Variants in ASAH2 observed in about 807,000 individuals in gnomAD.
ASAH2 encodes the protein N-acylsphingosine amidohydrolase 2.
ASAH2 carries 58 observed loss-of-function variants against 82.9 expected under a neutral mutation model. The ratio of observed to expected loss-of-function variants is 0.70; its 90% CI spans 0.57 to 0.87. ASAH2 has a LOEUF of 0.87. Ranked by LOEUF, ASAH2 falls within the 40% of genes least tolerant of loss-of-function variation. The pLI, the probability that ASAH2 is intolerant of heterozygous loss-of-function variation, is 0.00. For synonymous variants in ASAH2, 276 were observed against 289.7 expected, an observed-to-expected ratio of 0.95 and a Z score of 0.48; for missense variants, 779 against 834.0, an observed-to-expected ratio of 0.93 and a Z score of 0.81.
chr10:50,235,253 G>C (rs1271845921), intron 5 of ASAH2, among the ~76,000 whole-genome samples: 1 of 151,918 alleles, frequency 6.6e-6, no homozygotes, highest in Non-Finnish European at 1.5e-5. Context: ...CTGAATTTTG[G>C]GGGTGACATT....
At chr10:50,244,555 T>G (rs2842123) in intron 3 of ASAH2, among the ~76,000 whole-genome samples, 33,327 of 152,152 alleles carry the variant, frequency 0.22, 5,591 homozygotes, top group African/African-American at 0.45. Flanking sequence ...GGTTTCCTAG[T>G]GAAGCACTGA....
chr10:50,230,379 G>T (rs1205340818), intron 7 of ASAH2, among the ~76,000 whole-genome samples: 1 of 152,078 alleles, frequency 6.6e-6, no homozygotes, highest in Non-Finnish European at 1.5e-5. Context: ...ATTCTGAGTT[G>T]CTGTGCTTCC....
At chr10:50,202,358 T>C (rs1845171896) in intron 16 of ASAH2, among the ~76,000 whole-genome samples, 1 of 152,040 alleles carries the variant, frequency 6.6e-6, no homozygotes, top group African/African-American at 2.4e-5. Flanking sequence ...CCTCAAACTC[T>C]CTGGGACTCT....
chr10:50,189,239 AAACAG>A (rs1486703285), intron 20 of ASAH2, among the ~76,000 whole-genome samples: 1 of 144,986 alleles, frequency 6.9e-6, no homozygotes, highest in Non-Finnish European at 1.5e-5. Flanking sequence ...TGGGGAAAAA[AAACAG>A]AACAGATGTC....
chr10:50,208,310 A>G (rs935289718), intron 12 of ASAH2, among the ~76,000 whole-genome samples: 11 of 152,032 alleles, frequency 7.2e-5, no homozygotes, highest in Non-Finnish European at 1.3e-4. Flanking sequence ...GCAGGCAATT[A>G]GGCAAGAAAA....
chr10:50,204,717 G>T (rs2133202133), intron 14 of ASAH2, 144 bp downstream of exon 14: 1 of 662,610 alleles, frequency 1.5e-6, no homozygotes, highest in East Asian at 2.8e-5. Context: ...AGCAAAAGAG[G>T]GTAGGAATAT....
At chr10:50,221,263 C>T (rs1378401972) in intron 7 of ASAH2, among the ~76,000 whole-genome samples, 1 of 152,108 alleles carries the variant, frequency 6.6e-6, no homozygotes, top group Non-Finnish European at 1.5e-5. Context: ...TTTCCAGTTA[C>T]ATGGATTTTG....
intron 7 of ASAH2, among the ~76,000 whole-genome samples, chr10:50,219,892 C>G (rs2133213914): frequency 6.6e-6 from 1 of 152,338 alleles, no homozygotes; most frequent in South Asian, 2.1e-4. Flanking sequence ...AGCCTCTACT[C>G]AGCTCCAGCC....
intron 18 of ASAH2, among the ~76,000 whole-genome samples, chr10:50,193,952 A>T (rs1336101045): frequency 4.0e-5 from 6 of 151,186 alleles, no homozygotes; most frequent in African/African-American, 1.5e-4. Context: ...TCCTAGAAAG[A>T]CACAAAATTG....
At chr10:50,247,307 A>G (rs1308478399) in intron 2 of ASAH2, among the ~76,000 whole-genome samples, 1 of 139,502 alleles carries the variant, frequency 7.2e-6, no homozygotes, top group Non-Finnish European at 1.6e-5. Flanking sequence ...ACAGGCGTGC[A>G]CCACCACAAA....
Position 50,185,907 on chromosome 10 carries a change from A to G in ASAH2, c.*1408T>C, listed in dbSNP as rs1196521493. 2.0e-5 allele frequency: 3 copies of G among 146,660 alleles called. No individual in the cohort carries two copies. Among genetic ancestry groups the G allele is most frequent in the Non-Finnish European group, 4.5e-5 (3 of 66,922 alleles). The allele number at this position is 146,660 out of a possible 1,614,324, so 9.1% of individuals were successfully genotyped here. A position where few individuals can be genotyped will look rare whatever the true frequency, so the allele number is the denominator to read the frequency against. ...TTCCCTAAAATGCTAAAGCTTTTAC[A>G]TACATACAAAAGTATGACCTGGGGT... is the stretch of plus-strand genomic sequence containing the variant. On this transcript the variant is annotated 3_prime_UTR_variant, in exon 21 of 21. Coordinates refer to ENST00000682911, the MANE Select transcript of ASAH2 (RefSeq NM_019893.4).
intron 18 of ASAH2, among the ~76,000 whole-genome samples, chr10:50,196,492 A>G (rs1844987054): frequency 6.7e-6 from 1 of 149,122 alleles, no homozygotes; most frequent in Non-Finnish European, 1.5e-5. Context: ...TGTTTTTCCT[A>G]TCCTTGACTT....
At chr10:50,226,336 A>G (rs1845883979) in intron 7 of ASAH2, among the ~76,000 whole-genome samples, 1 of 152,198 alleles carries the variant, frequency 6.6e-6, no homozygotes, top group Non-Finnish European at 1.5e-5. Context: ...TTTAAGAAAA[A>G]TATTATAAAT....
intron 16 of ASAH2, among the ~76,000 whole-genome samples, chr10:50,201,833 G>T (rs1589324322): frequency 6.6e-6 from 1 of 152,086 alleles, no homozygotes; most frequent in African/African-American, 2.4e-5. Context: ...TGAATAACAA[G>T]ATATATCTGT....
In ASAH2 at chr10:50,243,298, G is replaced by T. The variant is rs372400676; in HGVS notation, c.414C>A (p.Tyr138Ter). ...QNAQGILTRL[Y>*]SRAFIMAEPD... ...GTTCTGCCATGATGAAGGCACGACT[G>T]TATAGCCTGGTGAGGATGCCCTGTG... is the stretch of plus-strand genomic sequence containing the variant. The change falls in exon 4 of 21, where the codon TAC becomes TAA. Residue 138 changes from tyrosine to a stop codon, truncating the protein, a stop_gained. Transcript: ENST00000682911. LOFTEE classifies it high-confidence loss of function. 6.2e-7 allele frequency: 1 copy of T among 1,614,036 alleles called. No homozygotes were observed. Among genetic ancestry groups the T allele is most frequent in the African/African-American group, 1.3e-5 (1 of 74,930 alleles).
At chr10:50,220,963 A>G (rs1292763402) in intron 7 of ASAH2, among the ~76,000 whole-genome samples, 1 of 151,776 alleles carries the variant, frequency 6.6e-6, no homozygotes, top group Non-Finnish European at 1.5e-5. Flanking sequence ...TAGGCATTCG[A>G]AAATTTCTAT....
At chr10:50,193,906 A>T (rs1438728637) in intron 18 of ASAH2, among the ~76,000 whole-genome samples, 1 of 151,002 alleles carries the variant, frequency 6.6e-6, no homozygotes, top group Non-Finnish European at 1.5e-5. Flanking sequence ...AAATGAGAAA[A>T]TTCCTAGAAT....
At chr10:50,245,002 GA>G (rs11346132) in intron 3 of ASAH2, among the ~76,000 whole-genome samples, 33,118 of 149,598 alleles carry the variant, frequency 0.22, 5,541 homozygotes, top group African/African-American at 0.45. Flanking sequence ...TTCTGCTCAT[GA>G]AAAAAAAAGG....
intron 2 of ASAH2, among the ~76,000 whole-genome samples, chr10:50,245,673 C>G (rs970270505): frequency 6.6e-6 from 1 of 152,160 alleles, no homozygotes; most frequent in East Asian, 1.9e-4. Context: ...AGGCCTCTGT[C>G]AAATATCCTT....
Sources: allele counts gnomAD v4.1 joint callset (sites outside exome capture counted in the v4.1 genomes callset), GRCh38; gene constraint gnomAD v4.1.1; transcripts MANE v1.5; gene names NCBI Gene and HGNC (gene_info 2026-07-23, HGNC 2026-07-21).